Variants in CLPX observed in about 807,000 individuals in gnomAD.
The protein encoded by CLPX is caseinolytic mitochondrial matrix peptidase chaperone subunit X.
A neutral mutation model predicts 76.4 loss-of-function variants in CLPX; 34 were observed. The ratio of observed to expected loss-of-function variants is 0.45; its 90% confidence interval spans 0.34 to 0.59. CLPX has a LOEUF of 0.59. Ranked by LOEUF, CLPX falls within the 20% of genes least tolerant of loss-of-function variation. CLPX has a pLI of 0.01. For synonymous variants in CLPX, 248 were observed against 270.9 expected, an observed-to-expected ratio of 0.92 and a Z score of 0.83; for missense variants, 613 against 757.0, an observed-to-expected ratio of 0.81 and a Z score of 2.23.
At chr15:65,180,933 G>A (rs2088160271) in intron 1 of CLPX, among the ~76,000 whole-genome samples, 1 of 150,600 alleles carries the variant, frequency 6.6e-6, no homozygotes, top group African/African-American at 2.4e-5. Flanking sequence ...TGTAACAATG[G>A]AAACAAACTT....
rs2087708263 is a variant in CLPX at position 65,150,679 on chromosome 15, G to T, written c.*144C>A. ...AATGTGATGTTACAATTATATACATGATCTGATTCTTCTCCTAAAGGCTTC... is the reference window on the plus strand; with the variant it reads ...AATGTGATGTTACAATTATATACATTATCTGATTCTTCTCCTAAAGGCTTC... On this transcript the variant is annotated 3_prime_UTR_variant, in exon 14 of 14. Transcript: ENST00000300107. The T allele has an allele frequency of 2.1e-6, 1 of 478,638 alleles. No individual in the cohort carries two copies. Among genetic ancestry groups the T allele is most frequent in the Non-Finnish European group, 3.7e-6 (1 of 269,584 alleles). 29.6% of individuals were successfully genotyped at this position (478,638 alleles called of 1,614,324 possible). A position where few individuals can be genotyped will look rare whatever the true frequency, so the allele number is the denominator to read the frequency against.
chr15:65,166,859 C>T, intron 3 of CLPX, 74 bp from the exon 4 acceptor site: 2 of 1,422,928 alleles, frequency 1.4e-6, no homozygotes, highest in Non-Finnish European at 1.9e-6. Flanking sequence ...AAAGACTCCA[C>T]TGTAAATGAA....
rs1188792937 is a variant in CLPX, at chr15:65,149,276, C to A, written c.*1547G>T. 1 of 173,892 alleles carries A rather than the reference C, an allele frequency of 5.8e-6. No homozygotes were observed. The highest frequency in any genetic ancestry group is 1.2e-5 in the Non-Finnish European group (1 of 81,140). The allele number at this position is 173,892 out of a possible 1,614,324, so 10.8% of individuals were successfully genotyped here. ...GCCGATTGCCTGAGCTCAGGAGAGA[C>A]CAGCCTGGGCAACATGGCGAAACCC... is the stretch of plus-strand genomic sequence containing the variant. On this transcript the variant is annotated 3_prime_UTR_variant, in exon 14 of 14. Transcript: ENST00000300107.
chr15:65,175,642 A>C (rs2088080856), intron 3 of CLPX, among the ~76,000 whole-genome samples: 1 of 152,196 alleles, frequency 6.6e-6, no homozygotes, highest in Non-Finnish European at 1.5e-5. Context: ...GCACCCCTAC[A>C]TGAAATCTGA....
At chr15:65,155,635 G>A (rs2140614419) in intron 10 of CLPX, 57 bp downstream of exon 10, 1 of 1,381,700 alleles carries the variant, frequency 7.2e-7, no homozygotes, top group African/African-American at 1.5e-5. Flanking sequence ...AATGGAAACT[G>A]AGTGTACATC....
At position 65,185,164 on chromosome 15, in the gene CLPX, C is replaced by T. The variant is rs1396291385; in HGVS notation, c.-11G>A. 3 of 1,558,218 alleles carry T rather than the reference C, an allele frequency of 1.9e-6. No individual in the cohort carries two copies. The highest frequency in any genetic ancestry group is 2.0e-5 in the Admixed American group (1 of 51,200). ...ACCGCAGCTGGGCATCTCCGCGAGG[C>T]CTAGGCCGGGGCTTCGCCCCCTGAG... is the stretch of plus-strand genomic sequence containing the variant. On this transcript the variant is annotated 5_prime_UTR_variant, in exon 1 of 14. Coordinates refer to ENST00000300107, the MANE Select transcript of CLPX (RefSeq NM_006660.5).
intron 12 of CLPX, among the ~76,000 whole-genome samples, chr15:65,153,266 A>G (rs2087747162): frequency 1.3e-5 from 2 of 152,190 alleles, no homozygotes; most frequent in East Asian, 1.9e-4. Flanking sequence ...ACTGGCCAAC[A>G]TGGTGAAACC....
intron 3 of CLPX, among the ~76,000 whole-genome samples, chr15:65,168,383 C>CAAAAAAAAAAAA (rs71136319): frequency 5.6e-5 from 2 of 35,660 alleles, no homozygotes; most frequent in African/African-American, 1.3e-4. Flanking sequence ...GACTCTGTCT[C>CAAAAAAAAAAAA]AAAAAAAAAA....
chr15:65,179,069 G>A lies in CLPX; in HGVS notation c.241-18C>T, dbSNP rs986533013. The A allele has an allele frequency of 1.4e-6, 2 of 1,477,480 alleles. No individual in the cohort carries two copies. The highest frequency in any genetic ancestry group is 2.3e-5 in the South Asian group (2 of 85,234). The allele number at this position is 1,477,480 out of a possible 1,614,324, so 91.5% of individuals were successfully genotyped here. A position where few individuals can be genotyped will look rare whatever the true frequency, so the allele number is the denominator to read the frequency against. On this transcript the variant is annotated intron_variant, in intron 2 of 13. Coordinates refer to ENST00000300107, the MANE Select transcript of CLPX (RefSeq NM_006660.5). ...GCTGATTTCTAACGTTTATGAAGGA[G>A]AAAAAAGGAAGAGTGTCAATTATTA...
chr15:65,155,441 G>C (rs1020292470), intron 10 of CLPX, among the ~76,000 whole-genome samples: 5 of 152,124 alleles, frequency 3.3e-5, no homozygotes, highest in Admixed American at 6.5e-5. Flanking sequence ...AGTAGAGACA[G>C]GGTTTCATGT....
In CLPX at chr15:65,150,516, G is replaced by A. The variant is rs368299030; in HGVS notation, c.*307C>T. 3 of 203,076 alleles carry A rather than the reference G, an allele frequency of 1.5e-5. No homozygotes were observed. The highest frequency in any genetic ancestry group is 2.2e-4 in the East Asian group (2 of 9,048). The allele number at this position is 203,076 out of a possible 1,614,324, so 12.6% of individuals were successfully genotyped here. A position where few individuals can be genotyped will look rare whatever the true frequency, so the allele number is the denominator to read the frequency against. ...CATTATTGTAAAATCTACAGTTATC[G>A]CAATACCTGCATTGCTTAAAAGAAT... On this transcript the variant is annotated 3_prime_UTR_variant, in exon 14 of 14. Transcript: ENST00000300107.
At chr15:65,161,546 T>C (rs2087856489) in intron 6 of CLPX, among the ~76,000 whole-genome samples, 1 of 152,238 alleles carries the variant, frequency 6.6e-6, no homozygotes, top group African/African-American at 2.4e-5. Context: ...CTTGTTAACA[T>C]TTAAATAACA....
chr15:65,161,103 G>C (rs1052165110), intron 6 of CLPX, among the ~76,000 whole-genome samples: 1 of 152,194 alleles, frequency 6.6e-6, no homozygotes, highest in African/African-American at 2.4e-5. Context: ...ATACCTGGCA[G>C]ATAGTTTTAT....
chr15:65,166,618 T>G lies in CLPX; in HGVS notation c.513+13A>C. On this transcript the variant is annotated intron_variant, in intron 4 of 13. Coordinates refer to ENST00000300107, the MANE Select transcript of CLPX (RefSeq NM_006660.5). ...AGATAAAATACTTGTAAGACTGAGC[T>G]TAAGACTTATACCTTCTTAGGGGGA... 2 of 1,613,170 alleles carry G rather than the reference T, an allele frequency of 1.2e-6. No individual in the cohort carries two copies. The highest frequency in any genetic ancestry group is 1.7e-6 in the Non-Finnish European group (2 of 1,179,604).
intron 9 of CLPX, 132 bp downstream of exon 9, chr15:65,156,712 T>C (rs530302117): frequency 3.9e-6 from 2 of 510,642 alleles, no homozygotes; most frequent in South Asian, 7.5e-5. Flanking sequence ...TACTTCAAAA[T>C]GATATGTGGA....
intron 5 of CLPX, 115 bp downstream of exon 5, chr15:65,163,914 T>C: frequency 5.9e-6 from 6 of 1,020,546 alleles, no homozygotes; most frequent in Middle Eastern, 3.0e-4. Flanking sequence ...TAACCTGCAC[T>C]TTGAAAAATG....
intron 2 of CLPX, among the ~76,000 whole-genome samples, chr15:65,179,549 C>T (rs545242811): frequency 9.5e-4 from 144 of 152,202 alleles, no homozygotes; most frequent in African/African-American, 3.0e-3. Context: ...GTCAAATTCA[C>T]GTAATGAAAA....
intron 3 of CLPX, among the ~76,000 whole-genome samples, chr15:65,176,819 G>A (rs770255691): frequency 5.3e-5 from 8 of 151,550 alleles, no homozygotes; most frequent in African/African-American, 1.5e-4. Flanking sequence ...GGTCTTGAAC[G>A]CCTCACCTCT....
chr15:65,155,027 C>T lies in CLPX; in HGVS notation c.1366G>A (p.Ala456Thr). ...NLGKGRRAAA[A>T]ADLANRSGES... ...CCACTTCGATTAGCAAGGTCTGCAG[C>T]AGCTGCAGCCCTTCTGCCTTTTCCC... The change falls in exon 11 of 14, where the codon GCT becomes ACT. Residue 456 changes from alanine (A) to threonine (T), a missense_variant. Ala to Thr is a moderately conservative substitution (Grantham distance 58, BLOSUM62 0). Transcript: ENST00000300107. 1 of 1,614,172 alleles carries T rather than the reference C, an allele frequency of 6.2e-7. No homozygotes were observed. The highest frequency in any genetic ancestry group is 8.5e-7 in the Non-Finnish European group (1 of 1,180,020).
Sources: allele counts gnomAD v4.1 joint callset (sites outside exome capture counted in the v4.1 genomes callset), GRCh38; gene constraint gnomAD v4.1.1; transcripts MANE v1.5; gene names NCBI Gene and HGNC (gene_info 2026-07-23, HGNC 2026-07-21).